The following RBFOX1 variants were observed in gnomAD, a reference collection of about 807,000 sequenced individuals.
The protein encoded by RBFOX1 is RNA binding protein fox-1 homolog 1.
RBFOX1 carries 8 observed loss-of-function variants against 57.7 expected under a neutral mutation model. That is an observed-to-expected ratio of 0.14 (90% CI 0.08 to 0.25). The LOEUF is 0.25. RBFOX1 is among the 10% of genes least tolerant of loss of function. RBFOX1 has a pLI of 1.00. For synonymous variants in RBFOX1, 326 were observed against 222.4 expected, an observed-to-expected ratio of 1.47 and a Z score of -4.15; for missense variants, 611 against 548.5, an observed-to-expected ratio of 1.11 and a Z score of -1.14.
At chr16:5,451,341 G>T (rs971414903) in intron 1 of RBFOX1, among the ~76,000 whole-genome samples, 2 of 152,180 alleles carry the variant, frequency 1.3e-5, no homozygotes, top group African/African-American at 4.8e-5. Context: ...CATCAACAGG[G>T]ATAATCTCCA....
chr16:6,160,165 T>C (rs56376589), intron 1 of RBFOX1, among the ~76,000 whole-genome samples: 81 of 152,352 alleles, frequency 5.3e-4, no homozygotes, highest in South Asian at 1.7e-3. Context: ...TATTTTTTCC[T>C]AACCTTAATT....
At chr16:6,159,594 T>G (rs1221598230) in intron 1 of RBFOX1, among the ~76,000 whole-genome samples, 2 of 152,146 alleles carry the variant, frequency 1.3e-5, no homozygotes, top group African/African-American at 2.4e-5. Context: ...GGAGGAAAGT[T>G]TGCCTTCCCC....
At chr16:5,800,925 T>C (rs2055036044) in intron 3 of RBFOX1, among the ~76,000 whole-genome samples, 2 of 152,122 alleles carry the variant, frequency 1.3e-5, no homozygotes, top group African/African-American at 4.8e-5. Flanking sequence ...TGAGGACAGA[T>C]GGAATCTGCC....
At chr16:6,211,567 G>A (rs1422376464) in intron 1 of RBFOX1, among the ~76,000 whole-genome samples, 1 of 152,076 alleles carries the variant, frequency 6.6e-6, no homozygotes, top group East Asian at 1.9e-4. Context: ...TGTTAGAATG[G>A]TTTTAGCTTT....
chr16:5,366,518 C>A (rs575072195), intron 1 of RBFOX1: 5 of 424,232 alleles, frequency 1.2e-5, no homozygotes, highest in East Asian at 5.9e-5. Context: ...GCTAAAACAC[C>A]GAAAGGACCT....
chr16:7,653,678 C>G (rs1327886367), intron 11 of RBFOX1, 137 bp from the exon 12 acceptor site: 4 of 1,292,224 alleles, frequency 3.1e-6, no homozygotes, highest in African/African-American at 3.0e-5. Context: ...GCTTTTTAAC[C>G]TCTTGATTCC....
Position 7,154,957 on chromosome 16 carries a change from A to G in RBFOX1, c.27+102859A>G, listed in dbSNP as rs538006434. Among the ~76,000 whole-genome samples the G allele has an allele frequency of 3.9e-5, 6 of 152,284 alleles. 1 individual carries two copies. The South Asian group carries it at 1.2e-3, about 32-fold the overall frequency. Reference sequence around the variant, plus strand: ...AATAGGGATGTTAACTTTTCTTTAAATAACTGTATCCTCAGAATAATATTT... The same window carrying G: ...AATAGGGATGTTAACTTTTCTTTAAGTAACTGTATCCTCAGAATAATATTT... On this transcript the variant is annotated intron_variant, in intron 4 of 15. Coordinates refer to ENST00000550418, the MANE Select transcript of RBFOX1 (RefSeq NM_018723.4).
chr16:5,497,343 G>C (rs913883332), intron 2 of RBFOX1, among the ~76,000 whole-genome samples: 1 of 145,626 alleles, frequency 6.9e-6, no homozygotes, highest in Non-Finnish European at 1.5e-5. Context: ...CTCTACTCTT[G>C]AACTCAGCAT....
intron 2 of RBFOX1, among the ~76,000 whole-genome samples, chr16:6,546,587 C>G (rs1195320776): frequency 6.6e-6 from 1 of 152,194 alleles, no homozygotes; most frequent in East Asian, 1.9e-4. Context: ...ACATCATCTT[C>G]CTTCTGTCTG....
rs897076239 is a variant in RBFOX1, at chr16:5,616,608, C to G, written c.318+17647C>G. Reference sequence around the variant, plus strand: ...CCTCTCCCTCCTCCTCCTCCTCTTCCCTCTCTCTTCTCTCTCTCCCTCCTC... The same window carrying G: ...CCTCTCCCTCCTCCTCCTCCTCTTCGCTCTCTCTTCTCTCTCTCCCTCCTC... On this transcript the variant is annotated intron_variant, in intron 3 of 19. Coordinates refer to the RBFOX1 transcript ENST00000641259. Among the ~76,000 whole-genome samples the G allele has an allele frequency of 4.8e-4, 71 of 148,280 alleles. 1 individual carries two copies. The highest frequency in any genetic ancestry group is 1.5e-3 in the South Asian group (7 of 4,524).
At chr16:6,630,580 A>T (rs1602029106) in intron 2 of RBFOX1, among the ~76,000 whole-genome samples, 1 of 152,186 alleles carries the variant, frequency 6.6e-6, no homozygotes, top group East Asian at 1.9e-4. Flanking sequence ...GCTAAGATCT[A>T]GTCAACTAAT....
intron 3 of RBFOX1, among the ~76,000 whole-genome samples, chr16:5,701,539 C>G (rs748065073): frequency 6.6e-6 from 1 of 152,080 alleles, no homozygotes; most frequent in Non-Finnish European, 1.5e-5. Flanking sequence ...GCCTCCTGGG[C>G]TCAAGCCATT....
Position 6,786,882 on chromosome 16 carries a change from GCTTAGC to G in RBFOX1, c.-16+132234_-16+132239del, listed in dbSNP as rs567912898. ...ATTTCAGACCAGAAGGAAGAGAATT[GCTTAGC>G]CGGCAGGCTTTTTTACTTTTAAAAA... On this transcript the variant is annotated intron_variant, in intron 3 of 15. Transcript: ENST00000550418. Among the ~76,000 whole-genome samples, 80 of 144,820 alleles carry G rather than the reference GCTTAGC, an allele frequency of 5.5e-4. 1 individual carries two copies. The East Asian group carries it at 0.016, about 29-fold the overall frequency.
At chr16:6,244,993 T>C (rs1272052945) in intron 1 of RBFOX1, among the ~76,000 whole-genome samples, 1 of 152,158 alleles carries the variant, frequency 6.6e-6, no homozygotes, top group Non-Finnish European at 1.5e-5. Flanking sequence ...TCTGACAGTA[T>C]GATATTTATT....
chr16:5,941,466 G>T (rs1450251195), intron 4 of RBFOX1, among the ~76,000 whole-genome samples: 1 of 151,540 alleles, frequency 6.6e-6, no homozygotes, highest in African/African-American at 2.4e-5. Context: ...CTCCAGCCTG[G>T]GTGACAAAGC....
At chr16:5,806,516 T>C (rs2055232611) in intron 3 of RBFOX1, among the ~76,000 whole-genome samples, 1 of 152,174 alleles carries the variant, frequency 6.6e-6, no homozygotes, top group African/African-American at 2.4e-5. Context: ...TACCTCTTAA[T>C]ACCAACATAA....
chr16:6,720,935 C>G (rs912713289), intron 3 of RBFOX1, among the ~76,000 whole-genome samples: 3 of 152,060 alleles, frequency 2.0e-5, no homozygotes, highest in African/African-American at 7.2e-5. Context: ...TTTTGAAGCT[C>G]CAGGTACATT....
intron 1 of RBFOX1, among the ~76,000 whole-genome samples, chr16:6,239,314 G>A (rs2097527200): frequency 6.6e-6 from 1 of 151,858 alleles, no homozygotes; most frequent in Admixed American, 6.6e-5. Context: ...GGTTATTTCT[G>A]GGCCCCACCG....
At chr16:7,344,767 A>T (rs899705747) in intron 4 of RBFOX1, among the ~76,000 whole-genome samples, 2 of 152,170 alleles carry the variant, frequency 1.3e-5, no homozygotes, top group African/African-American at 4.8e-5. Flanking sequence ...CAGACCAGCC[A>T]GGTGTCTGGC....
Sources: allele counts gnomAD v4.1 joint callset (sites outside exome capture counted in the v4.1 genomes callset), GRCh38; gene constraint gnomAD v4.1.1; transcripts MANE v1.5; gene names NCBI Gene and HGNC (gene_info 2026-07-23, HGNC 2026-07-21).